Variants in ZNF433 observed in about 807,000 individuals in gnomAD.
The protein encoded by ZNF433 is zinc finger protein 433.
Under a neutral mutation model 10.6 loss-of-function variants are expected in ZNF433, and 12 were observed. That is an observed-to-expected ratio of 1.13 (90% CI 0.72 to 1.83). The LOEUF is 1.83. ZNF433 is among the 40% of genes most tolerant of loss of function. ZNF433 has a pLI of 0.00. For missense variants in ZNF433, 737 were observed against 798.0 expected, an observed-to-expected ratio of 0.92 and a Z score of 0.92; for synonymous variants, 272 against 271.3, an observed-to-expected ratio of 1.00 and a Z score of -0.02.
At chr19:12,020,974 T>TTG (rs1168944166) in intron 1 of ZNF433, among the ~76,000 whole-genome samples, 1 of 148,192 alleles carries the variant, frequency 6.7e-6, no homozygotes, top group African/African-American at 2.5e-5. Flanking sequence ...GCTTTACTGT[T>TTG]TTTTTTTTTT....
Position 12,014,772 on chromosome 19 carries a change from CTA to C in ZNF433, c.*71_*72del. The stretch of plus-strand genomic sequence containing the variant: ...ATTTAATTTTTATAACAGAGTCTCA[CTA>C]TGTTGCCCAGGCTGGTCTTGAACTC... On this transcript the variant is annotated 3_prime_UTR_variant, in exon 4 of 4. Coordinates refer to ENST00000550507, the MANE Select transcript of ZNF433 (RefSeq NM_001308348.2). 9.0e-7 allele frequency: 1 copy of C among 1,109,298 alleles called. No homozygotes were observed. The highest frequency in any genetic ancestry group is 1.8e-5 in the South Asian group (1 of 55,374). The allele number at this position is 1,109,298 out of a possible 1,614,324, so 68.7% of individuals were successfully genotyped here. A position where few individuals can be genotyped will look rare whatever the true frequency, so the allele number is the denominator to read the frequency against.
At chr19:12,017,469 C>T (rs1388760027) in intron 3 of ZNF433, among the ~76,000 whole-genome samples, 1 of 152,218 alleles carries the variant, frequency 6.6e-6, no homozygotes, top group Non-Finnish European at 1.5e-5. Context: ...TTCCAAAGTG[C>T]TGGGATTACA....
intron 1 of ZNF433, chr19:12,018,782 A>G (rs1410559755): frequency 6.6e-6 from 1 of 152,442 alleles, no homozygotes; most frequent in Non-Finnish European, 1.5e-5. Flanking sequence ...GGTCTTATCA[A>G]TCTAAATGAT....
At chr19:12,025,552 C>G (rs1350884295) in intron 1 of ZNF433, 1 of 152,226 alleles carries the variant, frequency 6.6e-6, no homozygotes, top group Non-Finnish European at 1.5e-5. Flanking sequence ...CAGTGATGCC[C>G]AACTTGCCAA....
chr19:12,026,824 T>C (rs558910849), intron 1 of ZNF433: 99 of 454,076 alleles, frequency 2.2e-4, no homozygotes, highest in African/African-American at 1.9e-3. Context: ...CTGCCTGCCA[T>C]GGCCACACTA....
intron 1 of ZNF433, chr19:12,034,744 A>C (rs1313684672): frequency 2.2e-6 from 1 of 451,086 alleles, no homozygotes; most frequent in Non-Finnish European, 4.4e-6. Context: ...CTCTCCACCA[A>C]CGGCCACCTT....
At chr19:12,030,107 TA>T (rs1476014690) in intron 1 of ZNF433, 3 of 202,172 alleles carry the variant, frequency 1.5e-5, no homozygotes, top group Non-Finnish European at 2.8e-5. Context: ...AAAAAAAAAA[TA>T]GCCATCTGCA....
At chr19:12,033,765 T>C (rs1975145604) in intron 1 of ZNF433, among the ~76,000 whole-genome samples, 1 of 151,676 alleles carries the variant, frequency 6.6e-6, no homozygotes, top group African/African-American at 2.4e-5. Flanking sequence ...GAGCTTGCAG[T>C]GAGTAGAGAT....
intron 1 of ZNF433, chr19:12,026,953 T>G (rs988780254): frequency 4.4e-6 from 2 of 454,188 alleles, no homozygotes; most frequent in Non-Finnish European, 8.8e-6. Context: ...TGATATGGCC[T>G]GCTGTAGGAG....
At chr19:12,030,081 CAAAAAAAAAAAAAA>C in intron 1 of ZNF433, 1 of 202,596 alleles carries the variant, frequency 4.9e-6, no homozygotes, top group South Asian at 2.7e-5. Context: ...GACTCCATCT[CAAAAAAAAAAAAAA>C]AAAAAAAAAA....
intron 1 of ZNF433, 96 bp downstream of exon 1, chr19:12,035,441 A>C (rs1361360487): frequency 2.6e-6 from 4 of 1,509,508 alleles, no homozygotes; most frequent in Non-Finnish European, 3.6e-6. Flanking sequence ...CAGACCCCGG[A>C]GTCGCCGCGG....
chr19:12,027,358 C>T (rs1974790575), intron 1 of ZNF433, among the ~76,000 whole-genome samples: 1 of 152,200 alleles, frequency 6.6e-6, no homozygotes, highest in African/African-American at 2.4e-5. Flanking sequence ...ATGTTGGGGA[C>T]AGGCTCCCAA....
At chr19:12,024,990 G>T (rs1459267105) in intron 1 of ZNF433, 1 of 152,162 alleles carries the variant, frequency 6.6e-6, no homozygotes, top group Non-Finnish European at 1.5e-5. Context: ...TTTCCTAAAA[G>T]AAAACTATTT....
At chr19:12,018,019 G>T in intron 2 of ZNF433, 83 bp from the exon 3 acceptor site, 3 of 1,278,126 alleles carry the variant, frequency 2.3e-6, no homozygotes, top group Non-Finnish European at 3.2e-6. Context: ...ATGGTACACT[G>T]CAAGCATGCT....
At position 12,025,430 on chromosome 19, in the gene ZNF433, A is replaced by C. The variant is rs185056185; in HGVS notation, c.4-7138T>G. The C allele has an allele frequency of 7.2e-5, 11 of 152,360 alleles. No homozygotes were observed. In the East Asian group the frequency reaches 2.1e-3, roughly 29 times the overall value. The allele number at this position is 152,360 out of a possible 1,614,324, so 9.4% of individuals were successfully genotyped here. A position where few individuals can be genotyped will look rare whatever the true frequency, so the allele number is the denominator to read the frequency against. On this transcript the variant is annotated intron_variant, in intron 1 of 3. Coordinates refer to ENST00000550507, the MANE Select transcript of ZNF433 (RefSeq NM_001308348.2). ...AAGGGAATCAAATGGCTGATGGCCTAGTTGCTACTACAATATCTAATGCCA... is the reference window on the plus strand; with the variant it reads ...AAGGGAATCAAATGGCTGATGGCCTCGTTGCTACTACAATATCTAATGCCA...
rs201271699 is a variant in ZNF433 at position 12,014,967 on chromosome 19, G to A, written c.1891C>T (p.Arg631Ter). 1.1e-4 allele frequency: 175 copies of A among 1,613,958 alleles called. 1 individual carries two copies. The African/African-American group carries it at 1.8e-3, about 16-fold the overall frequency. Residue 631 changes from arginine (R) to a stop codon, truncating the protein, a stop_gained, in exon 4 of 4, where the codon CGA (arginine) becomes TGA (stop). Transcript: ENST00000550507. LOFTEE classifies it low-confidence loss of function (END_TRUNC). ...GKAFGCPSNL[R>*]RHGRTHTGEK... is the part of the protein sequence containing the mutation. ...CCAGTGTGAGTCCTTCCATGCCTTCGAAGGTTTGAGGGACATCCAAAAGCT... is the reference window on the plus strand; with the variant it reads ...CCAGTGTGAGTCCTTCCATGCCTTCAAAGGTTTGAGGGACATCCAAAAGCT...
chr19:12,017,798 CT>C (rs57013722), intron 3 of ZNF433, 77 bp downstream of exon 3: 90,260 of 685,202 alleles, frequency 0.13, 4 homozygotes, highest in South Asian at 0.2. Context: ...CTTTTGTTTC[CT>C]TTTTTTTTTT....
chr19:12,017,185 T>G (rs1189083209), intron 3 of ZNF433, among the ~76,000 whole-genome samples: 1 of 152,048 alleles, frequency 6.6e-6, no homozygotes, highest in Non-Finnish European at 1.5e-5. Context: ...TTCTGAATAC[T>G]GTTTTTTGGT....
chr19:12,024,371 C>G (rs1393835961), intron 1 of ZNF433: 1 of 152,242 alleles, frequency 6.6e-6, no homozygotes, highest in Non-Finnish European at 1.5e-5. Flanking sequence ...ATTTACAATT[C>G]CTGCAATAAA....
Sources: allele counts gnomAD v4.1 joint callset (sites outside exome capture counted in the v4.1 genomes callset), GRCh38; gene constraint gnomAD v4.1.1; transcripts MANE v1.5; gene names NCBI Gene and HGNC (gene_info 2026-07-23, HGNC 2026-07-21).